LARGE1: variants seen among roughly 807,000 people sequenced by gnomAD.
LARGE1 encodes xylosyl- and glucuronyltransferase LARGE1.
LARGE1 carries 43 observed loss-of-function variants against 87.6 expected under a neutral mutation model. The ratio of observed to expected loss-of-function variants is 0.49; its 90% CI spans 0.38 to 0.63. The LOEUF is 0.63. Ranked by LOEUF, LARGE1 falls within the 30% of genes least tolerant of loss-of-function variation. LARGE1 has a pLI of 0.00. For missense variants in LARGE1, 802 were observed against 1,000.2 expected (o/e 0.80, Z 2.67); for synonymous variants, 434 against 394.6 (o/e 1.10, Z -1.18).
intron 11 of LARGE1, among the ~76,000 whole-genome samples, chr22:33,259,344 AC>A (rs879382005): frequency 0.035 from 5,345 of 150,876 alleles, 180 homozygotes; most frequent in African/African-American, 0.084. Flanking sequence ...ACACACACAC[AC>A]ACAAACACAC....
upstream of LARGE1, among the ~76,000 whole-genome samples, chr22:33,921,640 A>C (rs2065952789): frequency 6.6e-6 from 1 of 152,044 alleles, no homozygotes; most frequent in South Asian, 2.1e-4. This position sits in a 1 kb window ranked among gnomAD's most constrained non-coding sequence, Gnocchi z 4.1. Context: ...TCCTCTGAGG[A>C]AACTACATTT....
At chr22:33,283,149 G>T in intron 13 of LARGE1, 53 bp downstream of exon 13, 3 of 1,610,724 alleles carry the variant, frequency 1.9e-6, no homozygotes, top group Non-Finnish European at 2.5e-6. Context: ...GGGTTTCCCA[G>T]GAGAAAGAAG....
intron 1 of LARGE1, among the ~76,000 whole-genome samples, chr22:33,765,076 TA>T (rs1298487941): frequency 6.6e-6 from 1 of 152,202 alleles, no homozygotes; most frequent in Admixed American, 6.5e-5. Flanking sequence ...CACTTTTCTA[TA>T]TTTTTTTGCA....
chr22:33,323,210 C>A (rs1257429705), intron 10 of LARGE1, among the ~76,000 whole-genome samples: 1 of 152,190 alleles, frequency 6.6e-6, no homozygotes, highest in Non-Finnish European at 1.5e-5. Flanking sequence ...GTCAGACGTA[C>A]CTGTCCACAG....
chr22:33,392,928 T>C (rs1021846079), intron 7 of LARGE1, among the ~76,000 whole-genome samples: 5 of 152,200 alleles, frequency 3.3e-5, no homozygotes, highest in Non-Finnish European at 5.9e-5. Flanking sequence ...TCCAGGCCCA[T>C]AGCCTTCTCA....
At chr22:33,271,738 T>C (rs749025848), downstream of LARGE1, among the ~76,000 whole-genome samples, 1 of 152,188 alleles carries the variant, frequency 6.6e-6, no homozygotes, top group Non-Finnish European at 1.5e-5. Context: ...CCAGTGTAAG[T>C]TCTGGGAATG....
At chr22:33,360,438 C>G (rs950931921) in intron 9 of LARGE1, among the ~76,000 whole-genome samples, 1 of 149,690 alleles carries the variant, frequency 6.7e-6, no homozygotes, top group Non-Finnish European at 1.5e-5. Context: ...AGGAAACTTA[C>G]AATCATGGCA....
intron 9 of LARGE1, among the ~76,000 whole-genome samples, chr22:33,366,147 A>G (rs761181819): frequency 2.6e-5 from 4 of 152,254 alleles, no homozygotes; most frequent in Non-Finnish European, 5.9e-5. Flanking sequence ...ATGGTATGAG[A>G]CAGGGATCCA....
At chr22:33,460,497 C>T (rs1032205105) in intron 6 of LARGE1, among the ~76,000 whole-genome samples, 1 of 152,102 alleles carries the variant, frequency 6.6e-6, no homozygotes, top group African/African-American at 2.4e-5. Context: ...AAAAATAATG[C>T]ATGTATATAT....
chr22:33,130,313 CAAAAAAAAAAAAA>C, the LARGE1 span, among the ~76,000 whole-genome samples: 3 of 57,036 alleles, frequency 5.3e-5, no homozygotes, highest in Admixed American at 3.9e-4. Flanking sequence ...GATTCCGTCT[CAAAAAAAAAAAAA>C]AAAAAAAAAA....
chr22:33,882,176 A>C (rs1041817653), intron 1 of LARGE1, among the ~76,000 whole-genome samples: 1 of 151,480 alleles, frequency 6.6e-6, no homozygotes, highest in Non-Finnish European at 1.5e-5. Context: ...GACTACAGGC[A>C]CCTGCCACCA....
intron 2 of LARGE1, among the ~76,000 whole-genome samples, chr22:33,678,985 A>G (rs546999889): frequency 6.6e-6 from 1 of 152,356 alleles, no homozygotes; most frequent in East Asian, 1.9e-4. Flanking sequence ...TGTATAAAAA[A>G]TAGATAGCAA....
intron 9 of LARGE1, among the ~76,000 whole-genome samples, chr22:33,357,129 T>C (rs532202677): frequency 1.3e-5 from 2 of 152,272 alleles, no homozygotes; most frequent in East Asian, 1.9e-4. Flanking sequence ...TGTCCATCAA[T>C]GGCTTAACGT....
chr22:33,737,745 A>C (rs2149502186), intron 2 of LARGE1: 1 of 152,292 alleles, frequency 6.6e-6, no homozygotes, highest in African/African-American at 2.4e-5. Flanking sequence ...GTGGGACAAC[A>C]ATGAAGGCAT....
intron 14 of LARGE1, among the ~76,000 whole-genome samples, chr22:33,275,715 A>G (rs1047381217): frequency 3.9e-5 from 6 of 152,194 alleles, no homozygotes; most frequent in South Asian, 2.1e-4. Flanking sequence ...TTCGCAAAGA[A>G]AAAAAAGAAA....
At chr22:33,240,525 G>A (rs980617461) in intron 11 of LARGE1, among the ~76,000 whole-genome samples, 14 of 152,000 alleles carry the variant, frequency 9.2e-5, no homozygotes, top group Non-Finnish European at 1.8e-4. Flanking sequence ...ACCACATTCC[G>A]TTTATCTATT....
chr22:33,685,284 T>A (rs2081911307), intron 2 of LARGE1, among the ~76,000 whole-genome samples: 2 of 152,198 alleles, frequency 1.3e-5, no homozygotes, highest in African/African-American at 4.8e-5. Context: ...CCTGAAATGC[T>A]GAACAAAGCA....
intron 2 of LARGE1, among the ~76,000 whole-genome samples, chr22:33,718,872 C>A (rs1328243488): frequency 6.6e-6 from 1 of 152,182 alleles, no homozygotes; most frequent in African/African-American, 2.4e-5. Context: ...CTCACGGCAA[C>A]CTCCACCTCC....
At chr22:33,748,135 G>GTTTTTT (rs367726760) in intron 2 of LARGE1, among the ~76,000 whole-genome samples, 1 of 126,804 alleles carries the variant, frequency 7.9e-6, no homozygotes, top group East Asian at 2.3e-4. Flanking sequence ...ATGCAGGTTT[G>GTTTTTT]TTTTTTTTTT....
Sources: allele counts gnomAD v4.1 joint callset (sites outside exome capture counted in the v4.1 genomes callset), GRCh38; gene constraint gnomAD v4.1.1; non-coding constraint Gnocchi (gnomAD v3.1); transcripts MANE v1.5; gene names NCBI Gene and HGNC (gene_info 2026-07-23, HGNC 2026-07-21).